The following AP3B2 variants were observed in gnomAD, a reference collection of about 807,000 sequenced individuals.
The protein encoded by AP3B2 is adaptor related protein complex 3 subunit beta 2.
A neutral mutation model predicts 126.9 loss-of-function variants in AP3B2; 50 were observed. The observed-to-expected ratio is 0.39, with a 90% CI of 0.31 to 0.50. The LOEUF is 0.50. Ranked by LOEUF, AP3B2 falls within the 20% of genes least tolerant of loss-of-function variation. AP3B2 has a pLI of 0.79. For synonymous variants in AP3B2, 541 were observed against 565.0 expected, an observed-to-expected ratio of 0.96 and a Z score of 0.60; for missense variants, 1,177 against 1,426.4, an observed-to-expected ratio of 0.83 and a Z score of 2.82.
chr15:82,681,045 G>A lies in AP3B2; in HGVS notation c.589-26C>T, dbSNP rs1475388019. The A allele has an allele frequency of 1.2e-6, 2 of 1,613,404 alleles. No individual in the cohort carries two copies. The highest frequency in any genetic ancestry group is 1.7e-6 in the Non-Finnish European group (2 of 1,179,870). On this transcript the variant is annotated intron_variant, in intron 6 of 26. Transcript: ENST00000535359. This position sits in a 1 kb window ranked among gnomAD's most constrained non-coding sequence, Gnocchi z 4.0. The stretch of plus-strand genomic sequence containing the variant: ...CTGGGGAAAGAACAAAGACGAGAGG[G>A]TGAACGCGAAGGGTGGAAGGCCGGC...
intron 14 of AP3B2, among the ~76,000 whole-genome samples, chr15:82,674,009 C>CA (rs529811853): frequency 1.3e-3 from 197 of 152,282 alleles, no homozygotes; most frequent in African/African-American, 4.7e-3. Context: ...CCAACCCCCC[C>CA]ATCCCCCGCC....
intron 14 of AP3B2, among the ~76,000 whole-genome samples, chr15:82,669,185 A>G (rs1178150171): frequency 6.6e-6 from 1 of 152,178 alleles, no homozygotes; most frequent in Non-Finnish European, 1.5e-5. Context: ...TGATCCTATG[A>G]TTATGTTTTA....
At chr15:82,689,597 C>T (rs538266332) in intron 1 of AP3B2, 144 bp from the exon 2 acceptor site, 5 of 681,752 alleles carry the variant, frequency 7.3e-6, no homozygotes, top group South Asian at 1.8e-5. Context: ...CCAGGGGGAA[C>T]AAGTAAAGTA....
intron 3 of AP3B2, 116 bp downstream of exon 3, chr15:82,689,042 G>C: frequency 8.1e-7 from 1 of 1,228,532 alleles, no homozygotes; most frequent in African/African-American, 1.5e-5. Context: ...CTGGCTCAGA[G>C]ACATTTCTCA....
intron 1 of AP3B2, among the ~76,000 whole-genome samples, chr15:82,693,164 A>G (rs1001671333): frequency 1.3e-5 from 2 of 152,014 alleles, no homozygotes; most frequent in African/African-American, 4.8e-5. Context: ...TTGATAAATT[A>G]CGAACCAATA....
chr15:82,678,146 C>A lies in AP3B2; in HGVS notation c.1204G>T (p.Ala402Ser). 2 of 1,613,828 alleles carry A rather than the reference C, an allele frequency of 1.2e-6. No homozygotes were observed. Among genetic ancestry groups the A allele is most frequent in the East Asian group, 4.5e-5 (2 of 44,890 alleles). Residue 402 changes from alanine to serine, a missense_variant, in exon 11 of 27, where the codon GCC (alanine) becomes TCC (serine). Ala to Ser is a moderately conservative substitution (Grantham distance 99). This residue lies in a region of AP3B2 where 308 missense variants were observed against 452.4 expected (regional missense o/e 0.68). Transcript: ENST00000535359. Reference protein sequence around the residue: ...ILKLEVLTNLANETNIPTVLR... With the variant: ...ILKLEVLTNLSNETNIPTVLR... ...ACAGTAGGAATGTTGGTCTCATTGG[C>A]CAGGTTGGTCAGCACTTCCAGCTGC... is the stretch of plus-strand genomic sequence containing the variant.
intron 14 of AP3B2, among the ~76,000 whole-genome samples, chr15:82,674,155 C>G (rs938423861): frequency 7.2e-5 from 11 of 152,166 alleles, no homozygotes; most frequent in African/African-American, 2.7e-4. Flanking sequence ...GGGCCCATGT[C>G]CAAATTGGAG....
intron 14 of AP3B2, among the ~76,000 whole-genome samples, chr15:82,674,779 C>G (rs2048216923): frequency 6.6e-6 from 1 of 151,912 alleles, no homozygotes; most frequent in Non-Finnish European, 1.5e-5. Context: ...TGAAAACATG[C>G]CAACCTCACC....
chr15:82,685,258 T>C (rs779983412), intron 4 of AP3B2: 1 of 152,164 alleles, frequency 6.6e-6, no homozygotes, highest in Non-Finnish European at 1.5e-5. Context: ...TGTGAGCACA[T>C]ACTGTTGGAA....
chr15:82,697,570 G>GT (rs2151457755), intron 1 of AP3B2, among the ~76,000 whole-genome samples: 1 of 152,328 alleles, frequency 6.6e-6, no homozygotes, highest in East Asian at 1.9e-4. Context: ...GCAGAAATGC[G>GT]TGAGTACCTG....
chr15:82,706,016 T>A (rs1436434162), intron 1 of AP3B2, among the ~76,000 whole-genome samples: 1 of 152,144 alleles, frequency 6.6e-6, no homozygotes, highest in Non-Finnish European at 1.5e-5. Context: ...GGCTGTGCGG[T>A]TGGAATTCTT....
chr15:82,704,132 A>G (rs2048761057), intron 1 of AP3B2, among the ~76,000 whole-genome samples: 1 of 152,210 alleles, frequency 6.6e-6, no homozygotes, highest in Non-Finnish European at 1.5e-5. Context: ...GTTAGTATTT[A>G]GGCTCTTTTT....
chr15:82,671,251 C>G (rs1488709369), intron 14 of AP3B2, among the ~76,000 whole-genome samples: 3 of 152,146 alleles, frequency 2.0e-5, no homozygotes, highest in African/African-American at 4.8e-5. Context: ...CCACTGCACA[C>G]TCCAGCCTGG....
rs779059565 is a variant in AP3B2, at chr15:82,676,580, G to C, written c.1546C>G (p.Pro516Ala). 1 of 1,614,008 alleles carries C rather than the reference G, an allele frequency of 6.2e-7. No homozygotes were observed. Among genetic ancestry groups the C allele is most frequent in the Non-Finnish European group, 8.5e-7 (1 of 1,179,892 alleles). Reference protein sequence around the residue: ...WLIGEYCEHVPRIAPDVLRKM... With the variant: ...WLIGEYCEHVARIAPDVLRKM... The stretch of plus-strand genomic sequence containing the variant: ...CTTAAGACATCAGGTGCAATCCTGG[G>C]GACATGCTCACAGTACTCTCCGATG... The change falls in exon 14 of 27, where the codon CCC becomes GCC. Residue 516 changes from proline (P) to alanine (A), a missense_variant. Pro to Ala is a conservative substitution (Grantham distance 27, BLOSUM62 -1). Transcript: ENST00000535359.
chr15:82,683,047 GTTTTTTTTTTTTTT>G (rs61213011), intron 4 of AP3B2, among the ~76,000 whole-genome samples: 77 of 77,732 alleles, frequency 9.9e-4, no homozygotes, highest in African/African-American at 3.3e-3. Flanking sequence ...TGCACCAGGA[GTTTTTTTTTTTTTT>G]TTTTTTTTTT....
chr15:82,689,316 G>C lies in AP3B2; in HGVS notation c.189+62C>G, dbSNP rs1212157756. The C allele has an allele frequency of 6.2e-6, 10 of 1,611,826 alleles. No individual in the cohort carries two copies. In the East Asian group the frequency reaches 2.2e-4, roughly 36 times the overall value. ...AGAGGGAAGGTCTACAAGGAGCTAA[G>C]GAGAGCTGCTCTTGGCCACCCAGGC... On this transcript the variant is annotated intron_variant, in intron 2 of 26. Coordinates refer to ENST00000535359, the MANE Select transcript of AP3B2 (RefSeq NM_001278512.2).
intron 15 of AP3B2, 104 bp downstream of exon 15, chr15:82,666,643 G>A: frequency 7.6e-7 from 1 of 1,309,816 alleles, no homozygotes; most frequent in Non-Finnish European, 1.0e-6. Flanking sequence ...ACTGTCCACA[G>A]AAGCCTGGTG....
chr15:82,670,132 G>A (rs1357976380), intron 14 of AP3B2, among the ~76,000 whole-genome samples: 1 of 102,654 alleles, frequency 9.7e-6, no homozygotes, highest in African/African-American at 3.9e-5. Flanking sequence ...GGACGAAGAT[G>A]AAGTCTCGCT....
chr15:82,697,656 T>C (rs942319844), intron 1 of AP3B2, among the ~76,000 whole-genome samples: 3 of 152,232 alleles, frequency 2.0e-5, no homozygotes, highest in Non-Finnish European at 4.4e-5. Flanking sequence ...AAAGAGATTT[T>C]TGATGGAAAG....
Sources: allele counts gnomAD v4.1 joint callset (sites outside exome capture counted in the v4.1 genomes callset), GRCh38; gene constraint gnomAD v4.1.1; regional missense constraint gnomAD v4.1.1; non-coding constraint Gnocchi (gnomAD v3.1); transcripts MANE v1.5; gene names NCBI Gene and HGNC (gene_info 2026-07-23, HGNC 2026-07-21).